The following METTL3 variants were observed in gnomAD, a reference collection of about 807,000 sequenced individuals.
The protein encoded by METTL3 is methyltransferase 3, N6-adenosine-methyltransferase complex catalytic subunit.
METTL3 carries 42 observed loss-of-function variants against 64.3 expected under a neutral mutation model. The observed-to-expected ratio is 0.65, with a 90% CI of 0.51 to 0.84. The LOEUF (loss-of-function observed/expected upper bound fraction) is 0.84. Ranked by LOEUF, METTL3 falls within the 40% of genes least tolerant of loss-of-function variation. The pLI, the probability that METTL3 is intolerant of heterozygous loss-of-function variation, is 0.00. For synonymous variants in METTL3, 256 were observed against 263.6 expected (o/e 0.97, Z 0.28); for missense variants, 435 against 722.3 (o/e 0.60, Z 4.56).
At chr14:21,501,949 T>C (rs1263792) in intron 3 of METTL3, 46 bp from the exon 4 acceptor site, 1,478,792 of 1,587,384 alleles carry the variant, frequency 0.93, 689,942 homozygotes, top group African/African-American at 0.99. Flanking sequence ...ATAGATCAAA[T>C]TGGCTCTTAG....
At chr14:21,511,048 ACT>A in intron 1 of METTL3, 74 bp downstream of exon 1, 6 of 1,524,628 alleles carry the variant, frequency 3.9e-6, no homozygotes, top group African/African-American at 1.4e-5. Flanking sequence ...AAGGGCAGTG[ACT>A]CTGGAGCTTT....
At chr14:21,507,266 T>A (rs1438091689) in intron 1 of METTL3, among the ~76,000 whole-genome samples, 1 of 152,220 alleles carries the variant, frequency 6.6e-6, no homozygotes, top group Admixed American at 6.5e-5. Flanking sequence ...TATTTTCCAC[T>A]ATTAACGATG....
chr14:21,502,994 C>G (rs4982451), intron 3 of METTL3, 179 bp downstream of exon 3: 98,888 of 671,110 alleles, frequency 0.15, 7,873 homozygotes, highest in Admixed American at 0.27. Flanking sequence ...AGCACTCCCC[C>G]ATGTGTGACA....
At chr14:21,498,502 TTAGAA>T (rs1388523084) in intron 10 of METTL3, 133 bp from the exon 11 acceptor site, 10 of 793,932 alleles carry the variant, frequency 1.3e-5, no homozygotes, top group Non-Finnish European at 2.0e-5. Context: ...GAGCTTAACA[TTAGAA>T]TAGTATATGG....
rs745357704 is a variant in METTL3, at chr14:21,501,895, C to G, written c.732G>C (p.Gln244His). 2 of 1,613,924 alleles carry G rather than the reference C, an allele frequency of 1.2e-6. No homozygotes were observed. Among genetic ancestry groups the G allele is most frequent in the Non-Finnish European group, 1.7e-6 (2 of 1,179,952 alleles). ...TAGTATTTAATAGCTCTAGGATCTC[C>G]TGACTGACCTGTGACAGAAGTAGCC... ...TKEQQSKKVSQEILELLNTTT... is the reference protein window; with the variant it reads ...TKEQQSKKVSHEILELLNTTT... The change falls in exon 4 of 11, where the codon CAG becomes CAC. Residue 244 changes from glutamine to histidine, a missense_variant. Transcript: ENST00000298717.
At chr14:21,501,622 A>G in intron 4 of METTL3, 106 bp downstream of exon 4, 1 of 1,437,554 alleles carries the variant, frequency 7.0e-7, no homozygotes, top group Non-Finnish European at 9.6e-7. Flanking sequence ...CACAAACCAT[A>G]AACTAAATAA....
At position 21,511,112 on chromosome 14, in the gene METTL3, C is replaced by G. The variant is rs1363737314; in HGVS notation, c.100+12G>C. ...CCGGTTGAGCCTCGGCCCCAACAGC[C>G]CAGTGCCTCACCCAAGTGCCCCGAG... On this transcript the variant is annotated intron_variant, in intron 1 of 10. Transcript: ENST00000298717. The G allele has an allele frequency of 1.2e-6, 2 of 1,613,636 alleles. No individual in the cohort carries two copies. The highest frequency in any genetic ancestry group is 4.5e-5 in the East Asian group (2 of 44,844).
At chr14:21,501,243 A>G in intron 4 of METTL3, 114 bp from the exon 5 acceptor site, 2 of 789,282 alleles carry the variant, frequency 2.5e-6, no homozygotes, top group Admixed American at 5.5e-5. Flanking sequence ...TTCTATCATT[A>G]GAGCTTCCTT....
intron 1 of METTL3, chr14:21,510,471 G>A (rs1048037908): frequency 1.3e-5 from 2 of 152,196 alleles, no homozygotes; most frequent in African/African-American, 4.8e-5. Flanking sequence ...GGTAGGGAGT[G>A]GATAACAGTG....
At position 21,503,819 on chromosome 14, in the gene METTL3, C is replaced by T. The variant is rs1194854204; in HGVS notation, c.163G>A (p.Ala55Thr). ...TFRSDSPVPTAPTSGGPKPST... is the reference protein window; with the variant it reads ...TFRSDSPVPTTPTSGGPKPST... ...GGCTTAGGGCCACCAGAGGTGGGTG[C>T]AGTAGGCACTGGGCTGTCACTACGG... Residue 55 changes from alanine to threonine, a missense_variant, in exon 2 of 11, where the codon GCA becomes ACA. By Grantham distance (58) the Ala-to-Thr change is moderately conservative. Coordinates refer to ENST00000298717, the MANE Select transcript of METTL3 (RefSeq NM_019852.5). The T allele has an allele frequency of 6.2e-7, 1 of 1,614,192 alleles. No homozygotes were observed. The highest frequency in any genetic ancestry group is 8.5e-7 in the Non-Finnish European group (1 of 1,180,030).
intron 1 of METTL3, 117 bp downstream of exon 1, chr14:21,511,007 T>C (rs1042321304): frequency 1.0e-5 from 12 of 1,202,614 alleles, no homozygotes; most frequent in Non-Finnish European, 1.2e-5. Context: ...AGTACCAATG[T>C]ACGAGGCTTT....
chr14:21,505,651 A>G (rs575689399), intron 1 of METTL3, among the ~76,000 whole-genome samples: 1 of 152,316 alleles, frequency 6.6e-6, no homozygotes, highest in Admixed American at 6.5e-5. Flanking sequence ...AAAGTTTTGT[A>G]TGTATACAGA....
At chr14:21,501,337 T>TG in intron 4 of METTL3, 1 of 581,700 alleles carries the variant, frequency 1.7e-6, no homozygotes, top group Non-Finnish European at 3.0e-6. Flanking sequence ...AGTAAAGACT[T>TG]GGTTTCCTGT....
Position 21,499,667 on chromosome 14 carries a change from T to C in METTL3, c.1344-67A>G, listed in dbSNP as rs992617811. On this transcript the variant is annotated intron_variant, in intron 7 of 10. Coordinates refer to ENST00000298717, the MANE Select transcript of METTL3 (RefSeq NM_019852.5). ...TACAGTTTAGGGGTAGTACCATTTATAGAAGCAAGGAATCACAGAATAGTC... is the reference window on the plus strand; with the variant it reads ...TACAGTTTAGGGGTAGTACCATTTACAGAAGCAAGGAATCACAGAATAGTC... 5.7e-6 allele frequency: 9 copies of C among 1,581,386 alleles called. No individual in the cohort carries two copies. The Admixed American group carries it at 1.3e-4, about 24-fold the overall frequency.
At chr14:21,510,945 A>C in intron 1 of METTL3, 179 bp downstream of exon 1, 3 of 649,186 alleles carry the variant, frequency 4.6e-6, no homozygotes, top group Non-Finnish European at 7.5e-6. Context: ...GTGAGGAGGA[A>C]CCGCGAACTA....
intron 6 of METTL3, 124 bp downstream of exon 6, chr14:21,500,368 AAAG>A (rs1159394303): frequency 0.1 from 94,045 of 921,416 alleles, 2,012 homozygotes; most frequent in Admixed American, 0.21. Flanking sequence ...TCTCAAAAAA[AAAG>A]AAAAAAAGAC....
chr14:21,508,712 T>C (rs1463716647), intron 1 of METTL3, among the ~76,000 whole-genome samples: 1 of 151,956 alleles, frequency 6.6e-6, no homozygotes, highest in Admixed American at 6.6e-5. Context: ...CTGACCAACA[T>C]GGAGAAACCC....
chr14:21,498,870 C>A, intron 10 of METTL3, 155 bp downstream of exon 10: 1 of 607,858 alleles, frequency 1.6e-6, no homozygotes, highest in Admixed American at 2.9e-5. Context: ...TTTGTAGAAT[C>A]TCATAAAACA....
At chr14:21,500,392 A>T (rs1313197876) in intron 6 of METTL3, 103 bp downstream of exon 6, 4 of 1,153,844 alleles carry the variant, frequency 3.5e-6, no homozygotes, top group Non-Finnish European at 5.1e-6. Flanking sequence ...TAAATCAGTC[A>T]TACATTTAAT....
Sources: gnomAD v4.1 joint callset for allele counts (sites outside exome capture counted in the v4.1 genomes callset) on GRCh38, gnomAD v4.1.1 for gene constraint, MANE v1.5 for transcripts, NCBI Gene and HGNC (gene_info 2026-07-23, HGNC 2026-07-21) for gene names.